IPO8: variants seen among roughly 807,000 people sequenced by gnomAD.
IPO8 encodes the protein importin 8, also known as importin-8.
Under a neutral mutation model 141.2 loss-of-function variants are expected in IPO8, and 65 were observed. That is an observed-to-expected ratio of 0.46 (90% CI 0.38 to 0.57). IPO8 has a LOEUF of 0.57. Ranked by LOEUF, IPO8 falls within the 20% of genes least tolerant of loss-of-function variation. The probability of loss-of-function intolerance (pLI) is 0.00; values close to 1 mark genes in which losing one functional copy is unlikely to be tolerated. For synonymous variants in IPO8, 411 were observed against 420.3 expected (o/e 0.98, Z 0.27); for missense variants, 980 against 1,246.8 (o/e 0.79, Z 3.22).
chr12:30,665,986 T>A (rs2052959150), intron 11 of IPO8, 141 bp from the exon 12 acceptor site: 1 of 676,174 alleles, frequency 1.5e-6, no homozygotes, highest in African/African-American at 1.8e-5. Flanking sequence ...AAGAAAAGTA[T>A]AATTTATTAA....
chr12:30,636,709 T>G (rs1356241431), intron 22 of IPO8, among the ~76,000 whole-genome samples: 1 of 152,096 alleles, frequency 6.6e-6, no homozygotes, highest in East Asian at 1.9e-4. Context: ...ACCATTTGAT[T>G]GTTATAAATG....
intron 2 of IPO8, among the ~76,000 whole-genome samples, chr12:30,685,500 TTG>T (rs112645384): frequency 0.25 from 37,212 of 148,220 alleles, 4,745 homozygotes; most frequent in Middle Eastern, 0.29. Flanking sequence ...ACTTATAATG[TTG>T]TGTGTGTGTG....
In IPO8 at chr12:30,695,657, T is replaced by C. The variant is rs183478060; in HGVS notation, c.-10A>G. 6.2e-7 allele frequency: 1 copy of C among 1,612,508 alleles called. No homozygotes were observed. The highest frequency in any genetic ancestry group is 8.5e-7 in the Non-Finnish European group (1 of 1,178,768). On this transcript the variant is annotated 5_prime_UTR_variant, in exon 1 of 25. Coordinates refer to ENST00000256079, the MANE Select transcript of IPO8 (RefSeq NM_006390.4). The surrounding 1 kb of genome is among the most constrained non-coding windows in gnomAD (Gnocchi z 4.2). ...TCCGGTTGAGGTCCATCTCCCCGGGTGGGGGCTCCGCGGCCCCCGGAACAG... is the reference window on the plus strand; with the variant it reads ...TCCGGTTGAGGTCCATCTCCCCGGGCGGGGGCTCCGCGGCCCCCGGAACAG...
At chr12:30,640,629 A>G (rs1316655341) in intron 20 of IPO8, among the ~76,000 whole-genome samples, 1 of 152,218 alleles carries the variant, frequency 6.6e-6, no homozygotes, top group Non-Finnish European at 1.5e-5. Flanking sequence ...GAGATAACAC[A>G]TATAAGCTAT....
At position 30,653,016 on chromosome 12, in the gene IPO8, T is replaced by G; in HGVS notation, c.2025A>C (p.Leu675=). 6.2e-7 allele frequency: 1 copy of G among 1,611,984 alleles called. No individual in the cohort carries two copies. Among genetic ancestry groups the G allele is most frequent in the East Asian group, 2.2e-5 (1 of 44,820 alleles). The stretch of plus-strand genomic sequence containing the variant: ...GCTGAAACACTTCATATAGTATACC[T>G]AGAAGCTGCCACATTTGAGGGGAAA... ...HSISPQMWQL[L]GILYEVFQQD... Residue 675 remains leucine, a synonymous_variant, in exon 18 of 25, where the codon CTA becomes CTC. Transcript: ENST00000256079.
At chr12:30,652,340 A>G (rs1212352887) in intron 18 of IPO8, 51 bp from the exon 19 acceptor site, 1 of 1,066,228 alleles carries the variant, frequency 9.4e-7, no homozygotes, top group Non-Finnish European at 1.4e-6. Context: ...AAATAGAAAT[A>G]AATTATTCCC....
intron 8 of IPO8, among the ~76,000 whole-genome samples, chr12:30,673,209 A>C (rs1457980347): frequency 1.3e-5 from 2 of 152,104 alleles, no homozygotes; most frequent in African/African-American, 4.8e-5. Context: ...CAGTGAGCCG[A>C]GATTGTGCCA....
chr12:30,675,556 G>A lies in IPO8; in HGVS notation c.730-803C>T, dbSNP rs187505071. Among the ~76,000 whole-genome samples the A allele has an allele frequency of 2.7e-4, 41 of 152,038 alleles. No individual in the cohort carries two copies. In the East Asian group the frequency reaches 3.9e-3, roughly 14 times the overall value. ...AAAAATGACAGTATAGGCCAGGCGC[G>A]GTGGCTCACGCCTGTAATCCCAGCA... On this transcript the variant is annotated intron_variant, in intron 6 of 24. Coordinates refer to ENST00000256079, the MANE Select transcript of IPO8 (RefSeq NM_006390.4).
intron 20 of IPO8, among the ~76,000 whole-genome samples, chr12:30,644,641 T>G (rs989406557): frequency 2.7e-4 from 24 of 87,584 alleles, no homozygotes; most frequent in Middle Eastern, 4.8e-3. Flanking sequence ...CTTTTTGGTG[T>G]TTTTTTTTTT....
intron 19 of IPO8, among the ~76,000 whole-genome samples, chr12:30,651,739 T>G (rs10743727): frequency 0.57 from 86,333 of 151,886 alleles, 25,645 homozygotes; most frequent in African/African-American, 0.74. Context: ...AGCCATTATG[T>G]AGATTGTAGA....
At chr12:30,688,567 C>T (rs11051029) in intron 2 of IPO8, 2,240 of 188,040 alleles carry the variant, frequency 0.012, 42 homozygotes, top group African/African-American at 0.051. Flanking sequence ...CTTGGAGCAT[C>T]CTTGTATTTT....
chr12:30,685,500 T>TTGTGTGTGTG (rs112645384), intron 2 of IPO8, among the ~76,000 whole-genome samples: 1 of 148,556 alleles, frequency 6.7e-6, no homozygotes, highest in African/African-American at 2.5e-5. Flanking sequence ...ACTTATAATG[T>TTGTGTGTGTG]TGTGTGTGTG....
At position 30,629,157 on chromosome 12, in the gene IPO8, T is replaced by C. The variant is rs2052397725; in HGVS notation, c.*1703A>G. The C allele has an allele frequency of 6.6e-6, 1 of 152,216 alleles. No individual in the cohort carries two copies. 9.4% of individuals were successfully genotyped at this position (152,216 alleles called of 1,614,324 possible). ...CACATTAATATCTCTTTCCCTTTAA[T>C]ACTGCAGAAGACAATACATCACAAA... On this transcript the variant is annotated 3_prime_UTR_variant, in exon 25 of 25. Transcript: ENST00000256079.
At chr12:30,659,412 G>A (rs893136678) in intron 16 of IPO8, among the ~76,000 whole-genome samples, 6 of 151,146 alleles carry the variant, frequency 4.0e-5, no homozygotes, top group Admixed American at 3.9e-4. Flanking sequence ...GGGAGGCCAA[G>A]GTTGAAGTGA....
At chr12:30,660,977 C>T (rs1035623705) in intron 16 of IPO8, among the ~76,000 whole-genome samples, 164 bp downstream of exon 16, 1 of 150,980 alleles carries the variant, frequency 6.6e-6, no homozygotes, top group Non-Finnish European at 1.5e-5. Flanking sequence ...TAATGTTACT[C>T]AGTCATTTTA....
intron 5 of IPO8, among the ~76,000 whole-genome samples, chr12:30,678,616 A>G (rs990881239): frequency 6.6e-6 from 1 of 152,182 alleles, no homozygotes; most frequent in African/African-American, 2.4e-5. Flanking sequence ...ACATGACTGT[A>G]CATGTACAAA....
intron 1 of IPO8, among the ~76,000 whole-genome samples, chr12:30,694,362 T>C (rs1490912379): frequency 6.6e-6 from 1 of 152,214 alleles, no homozygotes; most frequent in Non-Finnish European, 1.5e-5. Context: ...CCATTGGCAG[T>C]GTCTTCACTC....
At chr12:30,672,793 G>A (rs1355358452) in intron 8 of IPO8, among the ~76,000 whole-genome samples, 3 of 152,118 alleles carry the variant, frequency 2.0e-5, no homozygotes, top group Admixed American at 2.0e-4. Flanking sequence ...AAAATAACTT[G>A]TGAGAAATTC....
At position 30,663,608 on chromosome 12, in the gene IPO8, T is replaced by C. The variant is rs1478017209; in HGVS notation, c.1475A>G (p.Glu492Gly). 6.2e-7 allele frequency: 1 copy of C among 1,612,928 alleles called. No homozygotes were observed. Among genetic ancestry groups the C allele is most frequent in the African/African-American group, 1.3e-5 (1 of 75,034 alleles). The change falls in exon 14 of 25, where the codon GAG becomes GGG. Residue 492 changes from glutamate to glycine, a missense_variant. By Grantham distance (98) the Glu-to-Gly change is moderately conservative (BLOSUM62 -2). Transcript: ENST00000256079. The part of the protein sequence containing the change: ...HAFSSLKFHN[E>G]LNLRNAVELA... ...TTCAACGGCATTTCTTAGATTGAGC[T>C]CATTATGGAACTTCAAAGAACTAAA... is the stretch of plus-strand genomic sequence containing the variant.
Sources: gnomAD v4.1 joint callset for allele counts (sites outside exome capture counted in the v4.1 genomes callset) on GRCh38, gnomAD v4.1.1 for gene constraint, Gnocchi (gnomAD v3.1) non-coding constraint, MANE v1.5 for transcripts, NCBI Gene and HGNC (gene_info 2026-07-23, HGNC 2026-07-21) for gene names.